Variants in GANAB observed in about 807,000 individuals in gnomAD.
GANAB encodes glucosidase II alpha subunit.
In GANAB, 35 loss-of-function variants were observed where a neutral mutation model predicts 129.9. The observed-to-expected ratio is 0.27, with a 90% CI of 0.21 to 0.36. The LOEUF (loss-of-function observed/expected upper bound fraction) is 0.36. Ranked by LOEUF, GANAB falls within the 10% of genes least tolerant of loss-of-function variation. GANAB has a pLI of 1.00. For missense variants in GANAB, 939 were observed against 1,221.0 expected (o/e 0.77, Z 3.44); for synonymous variants, 482 against 451.8 (o/e 1.07, Z -0.85).
chr11:62,626,428 A>G lies in GANAB; in HGVS notation c.2531T>C (p.Leu844Pro). The G allele has an allele frequency of 1.9e-6, 3 of 1,612,254 alleles. No homozygotes were observed. Among genetic ancestry groups the G allele is most frequent in the Non-Finnish European group, 2.5e-6 (3 of 1,178,314 alleles). ...LSPQGTAQGE[L>P]FLDDGHTFNY... ...GAACGTGTGCCCATCATCCAGAAAG[A>G]GCTCTCCTTGAGCTGTACCCTGAGC... The change falls in exon 22 of 24, where the codon CTC becomes CCC. Residue 844 changes from leucine (L) to proline (P), a missense_variant. This residue lies in a region of GANAB where 230 missense variants were observed against 259.9 expected (regional missense o/e 0.89). Transcript: ENST00000356638.
At chr11:62,630,055 AT>A in intron 13 of GANAB, 98 bp from the exon 14 acceptor site, 1 of 1,416,260 alleles carries the variant, frequency 7.1e-7, no homozygotes, top group Non-Finnish European at 9.9e-7. Context: ...AAAAAGATGC[AT>A]TTTTCAGGGC....
intron 1 of GANAB, among the ~76,000 whole-genome samples, chr11:62,644,309 G>A (rs762788116): frequency 1.3e-5 from 2 of 152,136 alleles, no homozygotes; most frequent in African/African-American, 2.4e-5. Flanking sequence ...CATACTCTGA[G>A]AAAGTGTTTC....
rs754275909 is a variant in GANAB, at chr11:62,627,361, G to A, written c.2181-8C>T. 10 of 1,494,748 alleles carry A rather than the reference G, an allele frequency of 6.7e-6. No individual in the cohort carries two copies. The highest frequency in any genetic ancestry group is 9.3e-6 in the Non-Finnish European group (10 of 1,071,494). 92.6% of individuals were successfully genotyped at this position (1,494,748 alleles called of 1,614,324 possible). On this transcript the variant is annotated splice_region_variant and splice_polypyrimidine_tract_variant and intron_variant, in intron 17 of 23. Coordinates refer to ENST00000356638, the MANE Select transcript of GANAB (RefSeq NM_198334.3). ...TACTGCACCCACAGGGGCCTAGGAAGGAAGAAAGACAATAAAGGAAAACTT... is the reference window on the plus strand; with the variant it reads ...TACTGCACCCACAGGGGCCTAGGAAAGAAGAAAGACAATAAAGGAAAACTT...
In GANAB at chr11:62,629,236, T is replaced by C; in HGVS notation, c.1894A>G (p.Met632Val). The C allele has an allele frequency of 3.1e-6, 5 of 1,613,318 alleles. No homozygotes were observed. The highest frequency in any genetic ancestry group is 1.7e-5 in the Admixed American group (1 of 60,002). ...CCCACCAGCCCCAAGCTGAGACACA[T>C]AGGAATAGAGATCTTCAAATGGTCC... ...EWDHLKISIP[M>V]CLSLGLVGLS... The change falls in exon 16 of 24, where the codon ATG becomes GTG. Residue 632 changes from methionine to valine, a missense_variant. Physicochemically the swap from Met to Val is conservative, Grantham distance 21. Transcript: ENST00000356638.
chr11:62,641,088 A>G (rs2134543991), intron 1 of GANAB, among the ~76,000 whole-genome samples: 1 of 152,166 alleles, frequency 6.6e-6, no homozygotes, highest in African/African-American at 2.4e-5. Flanking sequence ...TCACGTCTGT[A>G]ATCCCACCAC....
chr11:62,633,043 G>A lies in GANAB; in HGVS notation c.777C>T (p.Ile259=). ...GCCTCAGGTTGTCTGCATGCTCAGGGATCCCATAGACATGCTCCATGCCTG... is the reference window on the plus strand; with the variant it reads ...GCCTCAGGTTGTCTGCATGCTCAGGAATCCCATAGACATGCTCCATGCCTG... ...SLPGMEHVYG[I]PEHADNLRLK... is the part of the protein sequence containing the mutation. Residue 259 remains isoleucine (I), a synonymous_variant, in exon 8 of 24, where the codon ATC becomes ATT. Coordinates refer to ENST00000356638, the MANE Select transcript of GANAB (RefSeq NM_198334.3). 1 of 1,611,296 alleles carries A rather than the reference G, an allele frequency of 6.2e-7. No individual in the cohort carries two copies. Among genetic ancestry groups the A allele is most frequent in the South Asian group, 1.1e-5 (1 of 91,022 alleles).
intron 18 of GANAB, 77 bp from the exon 19 acceptor site, chr11:62,627,201 C>T (rs908807407): frequency 2.1e-6 from 3 of 1,427,876 alleles, no homozygotes; most frequent in African/African-American, 2.8e-5. Context: ...CTGCCCTCTG[C>T]ACCACCAGCT....
chr11:62,639,266 C>A, intron 3 of GANAB, 93 bp downstream of exon 3: 1 of 1,280,902 alleles, frequency 7.8e-7, no homozygotes, highest in Admixed American at 1.7e-5. Flanking sequence ...AAAGATTAGG[C>A]TGGGACAAGA....
chr11:62,636,826 T>C (rs952093439), intron 4 of GANAB, among the ~76,000 whole-genome samples: 1 of 152,090 alleles, frequency 6.6e-6, no homozygotes, highest in Non-Finnish European at 1.5e-5. Context: ...GGGAGGCTGA[T>C]GCTGAAGAAA....
chr11:62,639,067 G>A lies in GANAB; in HGVS notation c.296C>T (p.Thr99Ile). Reference protein sequence around the residue: ...LELQGLQKNMTRFRIDELEPR... With the variant: ...LELQGLQKNMIRFRIDELEPR... ...CTCCAGCTCATCAATCCTGAACCGA[G>A]TCATGTTCTTTTGAAGCCCCTGAAG... Residue 99 changes from threonine (T) to isoleucine (I), a missense_variant, in exon 4 of 24, where the codon ACT (threonine) becomes ATT (isoleucine). By Grantham distance (89) the Thr-to-Ile change is moderately conservative (BLOSUM62 -1). Around this residue, in one of 5 missense-constraint regions of GANAB, gnomAD observed 321 missense variants for 329.1 expected, o/e 0.98. Transcript: ENST00000356638. 1 of 1,614,028 alleles carries A rather than the reference G, an allele frequency of 6.2e-7. No individual in the cohort carries two copies. The highest frequency in any genetic ancestry group is 8.5e-7 in the Non-Finnish European group (1 of 1,179,940).
intron 1 of GANAB, among the ~76,000 whole-genome samples, chr11:62,642,546 C>T (rs780901502): frequency 7.2e-5 from 11 of 151,770 alleles, no homozygotes; most frequent in Non-Finnish European, 1.5e-4. Flanking sequence ...GCGATTCTCC[C>T]GCCTCAGCCT....
Position 62,633,076 on chromosome 11 carries a change from G to A in GANAB, c.744C>T (p.Phe248=), listed in dbSNP as rs373958296. The change falls in exon 8 of 24, where the codon TTC becomes TTT. Residue 248 remains phenylalanine (F), a synonymous_variant. Transcript: ENST00000356638. ...AGACATGCTCCATGCCTGGCAGAGA[G>A]AAGTCCAAACCCACAGACATGGGGC... ...PYGPMSVGLD[F]SLPGMEHVYG... 5.0e-6 allele frequency: 8 copies of A among 1,612,386 alleles called. No homozygotes were observed. The African/African-American group carries it at 1.1e-4, about 22-fold the overall frequency.
At chr11:62,626,043 AG>A in intron 23 of GANAB, 21 bp downstream of exon 23, 1 of 1,574,128 alleles carries the variant, frequency 6.4e-7, no homozygotes, top group Non-Finnish European at 8.7e-7. Context: ...CCCCCATCCT[AG>A]GGGCCAGATT....
intron 4 of GANAB, among the ~76,000 whole-genome samples, 195 bp downstream of exon 4, chr11:62,638,784 CTGAA>C (rs1199954539): frequency 6.6e-6 from 1 of 151,978 alleles, no homozygotes; most frequent in East Asian, 1.9e-4. Flanking sequence ...TAATTGTTTG[CTGAA>C]TGAATGAATG....
intron 9 of GANAB, 106 bp from the exon 10 acceptor site, chr11:62,631,289 ATG>A (rs1943666700): frequency 1.8e-6 from 2 of 1,086,412 alleles, no homozygotes; most frequent in Admixed American, 4.6e-5. Context: ...GAGCTGGCTC[ATG>A]TAAGCTGCTT....
chr11:62,629,735 T>C lies in GANAB; in HGVS notation c.1738-51A>G, dbSNP rs1161325459. 3 of 1,604,582 alleles carry C rather than the reference T, an allele frequency of 1.9e-6. No individual in the cohort carries two copies. In the Admixed American group the frequency reaches 5.0e-5, roughly 27 times the overall value. ...AGTGAGGAGCAAAAGCCAGCTGTCA[T>C]CTGGTGCAAGTTCCCTAGGCCCTCA... On this transcript the variant is annotated intron_variant, in intron 14 of 23. Transcript: ENST00000356638.
At chr11:62,643,228 A>G (rs1554975214) in intron 1 of GANAB, among the ~76,000 whole-genome samples, 1 of 152,242 alleles carries the variant, frequency 6.6e-6, no homozygotes, top group Non-Finnish European at 1.5e-5. Flanking sequence ...AGAATCAGCC[A>G]GGCATGGTAG....
chr11:62,630,554 G>C, intron 11 of GANAB, 47 bp downstream of exon 11: 1 of 1,613,192 alleles, frequency 6.2e-7, no homozygotes, highest in Non-Finnish European at 8.5e-7. Context: ...GCTAAACTAT[G>C]CTTCAGCCCT....
At position 62,634,862 on chromosome 11, in the gene GANAB, T is replaced by G; in HGVS notation, c.519A>C (p.Arg173=). The G allele has an allele frequency of 6.2e-7, 1 of 1,614,102 alleles. No homozygotes were observed. Residue 173 remains arginine (R), a synonymous_variant, in exon 5 of 24, where the codon CGA becomes CGC. Coordinates refer to ENST00000356638, the MANE Select transcript of GANAB (RefSeq NM_198334.3). ...DRSLLLSVNA[R]GLLEFEHQRA... is the part of the protein sequence containing the mutation. ...TCTGATGCTCAAACTCCAAGAGTCC[T>G]CGGGCATTGACACTAAGCAAAAGAC...
Sources: allele counts gnomAD v4.1 joint callset (sites outside exome capture counted in the v4.1 genomes callset), GRCh38; gene constraint gnomAD v4.1.1; regional missense constraint gnomAD v4.1.1; transcripts MANE v1.5; gene names NCBI Gene and HGNC (gene_info 2026-07-23, HGNC 2026-07-21).